TRAM1: variants seen among roughly 807,000 people sequenced by gnomAD.
TRAM1 encodes the protein translocating chain-associated membrane protein 1.
In TRAM1, 17 loss-of-function variants were observed where a neutral mutation model predicts 48.7. That is an observed-to-expected ratio of 0.35 (90% CI 0.24 to 0.52). The LOEUF is 0.52. Among genes scored for constraint, TRAM1 ranks in the 20% least tolerant of loss-of-function variants. The pLI is 0.94. For synonymous variants in TRAM1, 182 were observed against 154.0 expected (o/e 1.18, Z -1.34); for missense variants, 351 against 441.5 (o/e 0.79, Z 1.84).
At chr8:70,576,084 A>C (rs1349807832) in intron 10 of TRAM1, among the ~76,000 whole-genome samples, 1 of 149,624 alleles carries the variant, frequency 6.7e-6, no homozygotes, top group African/African-American at 2.5e-5. Flanking sequence ...AAAAAAGAAA[A>C]AAAAAAAAAA....
At chr8:70,589,516 T>C (rs1382802561) in intron 6 of TRAM1, among the ~76,000 whole-genome samples, 1 of 152,188 alleles carries the variant, frequency 6.6e-6, no homozygotes, top group African/African-American at 2.4e-5. Context: ...TTGCAGACAG[T>C]ACACAATGAA....
At position 70,574,154 on chromosome 8, in the gene TRAM1, CATT is replaced by C. The variant is rs772436380; in HGVS notation, c.*775_*777del. On this transcript the variant is annotated 3_prime_UTR_variant, in exon 11 of 11. Coordinates refer to ENST00000262213, the MANE Select transcript of TRAM1 (RefSeq NM_014294.6). ...ACTTATTATGAGCCCCATTAAGAAT[CATT>C]ATTAATAAACATATCAAAAAGGGCT... The C allele has an allele frequency of 1.7e-4, 60 of 357,164 alleles. No homozygotes were observed. Among genetic ancestry groups the C allele is most frequent in the Admixed American group, 2.9e-4 (6 of 20,812 alleles). The allele number at this position is 357,164 out of a possible 1,614,324, so 22.1% of individuals were successfully genotyped here.
intron 10 of TRAM1, 59 bp from the exon 11 acceptor site, chr8:70,575,064 T>C: frequency 1.6e-6 from 2 of 1,246,090 alleles, no homozygotes; most frequent in South Asian, 1.4e-5. Flanking sequence ...AGTTATAATC[T>C]TTATATGTAA....
intron 1 of TRAM1, among the ~76,000 whole-genome samples, chr8:70,606,345 A>G (rs1260165469): frequency 6.6e-6 from 1 of 152,086 alleles, no homozygotes; most frequent in African/African-American, 2.4e-5. Context: ...CGTGCTATCT[A>G]TCACTCCTGG....
At chr8:70,580,210 C>A (rs149250003) in intron 10 of TRAM1, among the ~76,000 whole-genome samples, 3 of 152,178 alleles carry the variant, frequency 2.0e-5, no homozygotes, top group Non-Finnish European at 2.9e-5. Context: ...TTCTATGAAG[C>A]CAGTATTATC....
intron 8 of TRAM1, among the ~76,000 whole-genome samples, chr8:70,584,963 C>T (rs1291144075): frequency 3.3e-5 from 5 of 152,290 alleles, no homozygotes; most frequent in Admixed American, 3.3e-4. Context: ...AAAGAGCTCG[C>T]ATCACCAAGT....
intron 5 of TRAM1, among the ~76,000 whole-genome samples, chr8:70,595,647 A>G (rs1213167652): frequency 2.0e-5 from 3 of 152,170 alleles, no homozygotes; most frequent in Admixed American, 6.6e-5. Flanking sequence ...ACAATTATAG[A>G]ACAATCAAAA....
At chr8:70,594,305 G>T (rs1336599032) in intron 6 of TRAM1, among the ~76,000 whole-genome samples, 12 of 126,088 alleles carry the variant, frequency 9.5e-5, no homozygotes, top group South Asian at 2.5e-4. Context: ...CTGACTGAAG[G>T]TTTTTTTTTT....
chr8:70,585,085 T>A (rs959606307), intron 8 of TRAM1, among the ~76,000 whole-genome samples: 2 of 152,134 alleles, frequency 1.3e-5, no homozygotes, highest in Non-Finnish European at 2.9e-5. Flanking sequence ...AACAGAGATA[T>A]AGATCAATGG....
intron 5 of TRAM1, 50 bp from the exon 6 acceptor site, chr8:70,594,640 A>T (rs10112383): frequency 0.048 from 66,311 of 1,384,994 alleles, 1,908 homozygotes; most frequent in African/African-American, 0.05. Flanking sequence ...TAATTTTTTT[A>T]AAAAAAAGTA....
chr8:70,599,075 T>C (rs527592153), intron 2 of TRAM1, among the ~76,000 whole-genome samples: 7 of 152,246 alleles, frequency 4.6e-5, no homozygotes, highest in Admixed American at 1.3e-4. Flanking sequence ...CTAGGTAGTA[T>C]AGTGAGACTC....
chr8:70,585,452 G>A (rs548175780), intron 8 of TRAM1, among the ~76,000 whole-genome samples: 2 of 152,002 alleles, frequency 1.3e-5, no homozygotes, highest in South Asian at 2.1e-4. Context: ...AAAGAGCTCT[G>A]CACAGCAAAA....
intron 10 of TRAM1, among the ~76,000 whole-genome samples, chr8:70,577,269 C>CA (rs1229802327): frequency 3.3e-5 from 5 of 152,140 alleles, no homozygotes; most frequent in Non-Finnish European, 7.4e-5. Flanking sequence ...AGGTTGATGG[C>CA]AGCAGGAGGC....
At chr8:70,599,966 T>G (rs201160716) in intron 2 of TRAM1, 53 bp downstream of exon 2, 244 of 1,464,230 alleles carry the variant, frequency 1.7e-4, no homozygotes, top group Non-Finnish European at 2.1e-4. Flanking sequence ...ATTTCCAAGT[T>G]TGTTCAACTG....
In TRAM1 at chr8:70,586,329, G is replaced by A. The variant is rs185585850; in HGVS notation, c.746+566C>T. 4.2e-3 allele frequency among the ~76,000 whole-genome samples: 620 copies of A among 148,988 alleles called. 3 individuals carry two copies. The highest frequency in any genetic ancestry group is 0.015 in the South Asian group (69 of 4,606). On this transcript the variant is annotated intron_variant, in intron 8 of 10. Transcript: ENST00000262213. The stretch of plus-strand genomic sequence containing the variant: ...GGAGATATACCTAATGCTAAATGAC[G>A]AGTTAATGGGTGCAGCACACCAACA...
intron 10 of TRAM1, among the ~76,000 whole-genome samples, chr8:70,575,404 CCTT>C (rs1254309736): frequency 1.3e-4 from 20 of 152,048 alleles, no homozygotes; most frequent in Non-Finnish European, 2.2e-4. Flanking sequence ...TGTATTATGG[CCTT>C]CTTTTTATTT....
chr8:70,607,457 T>C (rs1371093383), intron 1 of TRAM1: 14 of 985,340 alleles, frequency 1.4e-5, no homozygotes, highest in Non-Finnish European at 1.7e-5. Context: ...GCGCCTCCAC[T>C]GCGCCGGTGC....
chr8:70,597,668 C>CAAAAAAAAAAAAAAA (rs35449323), intron 4 of TRAM1, among the ~76,000 whole-genome samples: 12 of 36,000 alleles, frequency 3.3e-4, no homozygotes, highest in East Asian at 1.0e-3. Flanking sequence ...GACTCTGTCT[C>CAAAAAAAAAAAAAAA]AAAAAAAAAA....
chr8:70,600,513 C>T (rs1817585153), intron 1 of TRAM1, among the ~76,000 whole-genome samples: 1 of 152,062 alleles, frequency 6.6e-6, no homozygotes, highest in South Asian at 2.1e-4. Context: ...GTGTTAGTAT[C>T]CCACACACCC....
Sources: gnomAD v4.1 joint callset for allele counts (sites outside exome capture counted in the v4.1 genomes callset) on GRCh38, gnomAD v4.1.1 for gene constraint, MANE v1.5 for transcripts, NCBI Gene and HGNC (gene_info 2026-07-23, HGNC 2026-07-21) for gene names.